KRTCAP2: variants seen among roughly 807,000 people sequenced by gnomAD.
KRTCAP2 encodes the protein dolichyl-diphosphooligosaccharide--protein glycosyltransferase subunit KCP2.
A neutral mutation model predicts 16.5 loss-of-function variants in KRTCAP2; 10 were observed. The ratio of observed to expected loss-of-function variants is 0.60; its 90% CI spans 0.37 to 1.02. The LOEUF is 1.02. Among genes scored for constraint, KRTCAP2 ranks in the 50% least tolerant of loss-of-function variants. The pLI, the probability that KRTCAP2 is intolerant of heterozygous loss-of-function variation, is 0.01. For synonymous variants in KRTCAP2, 68 were observed against 69.8 expected, an observed-to-expected ratio of 0.97 and a Z score of 0.13; for missense variants, 152 against 159.6, an observed-to-expected ratio of 0.95 and a Z score of 0.26.
chr1:155,170,015 G>A, intron 3 of KRTCAP2, 158 bp from the exon 4 acceptor site: 1 of 576,872 alleles, frequency 1.7e-6, no homozygotes, highest in South Asian at 2.0e-5. Context: ...TTACCTTAAT[G>A]ATACCCAGAA....
chr1:155,169,606 C>CA (rs762995099), intron 4 of KRTCAP2, 46 bp from the exon 5 acceptor site: 1 of 1,600,898 alleles, frequency 6.2e-7, no homozygotes, highest in Non-Finnish European at 8.5e-7. Flanking sequence ...GGGCATCTGC[C>CA]AGCCTGGTGC....
At position 155,173,276 on chromosome 1, in the gene KRTCAP2, G is replaced by T. The variant is rs1410489739; in HGVS notation, c.-52C>A. The T allele has an allele frequency of 1.2e-6, 2 of 1,613,990 alleles. No individual in the cohort carries two copies. The highest frequency in any genetic ancestry group is 2.2e-5 in the East Asian group (1 of 44,900). On this transcript the variant is annotated 5_prime_UTR_variant, in exon 1 of 5. Coordinates refer to ENST00000295682, the MANE Select transcript of KRTCAP2 (RefSeq NM_173852.4). Reference sequence around the variant, plus strand: ...CGCCTCTGGCCAAGAAAGGCGAGCTGAACCGGGTGCGGTTAGCTATGCGCA... The same window carrying T: ...CGCCTCTGGCCAAGAAAGGCGAGCTTAACCGGGTGCGGTTAGCTATGCGCA...
intron 1 of KRTCAP2, 35 bp downstream of exon 1, chr1:155,173,186 C>G: frequency 1.9e-6 from 3 of 1,587,278 alleles, no homozygotes; most frequent in Non-Finnish European, 2.6e-6. Flanking sequence ...CCGACCCCCT[C>G]TAGGACTTCC....
Position 155,169,873 on chromosome 1 carries a change from G to A in KRTCAP2, c.224-16C>T, listed in dbSNP as rs1172202170. ...CACAGGAGAACTAGGGAGGCAAGAA[G>A]AACAAGGAGGGCAACGGTCAGAATG... On this transcript the variant is annotated splice_polypyrimidine_tract_variant and intron_variant, in intron 3 of 4. Transcript: ENST00000295682. The A allele has an allele frequency of 6.4e-7, 1 of 1,554,332 alleles. No individual in the cohort carries two copies. Among genetic ancestry groups the A allele is most frequent in the Non-Finnish European group, 8.8e-7 (1 of 1,139,422 alleles).
intron 3 of KRTCAP2, chr1:155,171,202 T>G (rs1665227610): frequency 6.6e-6 from 1 of 151,954 alleles, no homozygotes; most frequent in Admixed American, 6.6e-5. Flanking sequence ...GTGGATCACT[T>G]AAGGTCAGGA....
rs1010277493 is a variant in KRTCAP2, at chr1:155,172,726, C to T, written c.159+12G>A. 1.2e-6 allele frequency: 2 copies of T among 1,614,040 alleles called. No individual in the cohort carries two copies. Among genetic ancestry groups the T allele is most frequent in the Admixed American group, 3.3e-5 (2 of 60,006 alleles). ...CTACGTGGCCCGCCCCCTCCAACTG[C>T]AGGGAGGATACAGTGAGCGAGAACA... On this transcript the variant is annotated intron_variant, in intron 2 of 4. Coordinates refer to ENST00000295682, the MANE Select transcript of KRTCAP2 (RefSeq NM_173852.4).
At chr1:155,172,420 G>A (rs1310909386) in intron 3 of KRTCAP2, 145 bp downstream of exon 3, 1 of 1,506,422 alleles carries the variant, frequency 6.6e-7, no homozygotes, top group Non-Finnish European at 8.9e-7. Context: ...GTGCAGAATC[G>A]AAAAGCGTCA....
At chr1:155,170,228 TA>T (rs1665198818) in intron 3 of KRTCAP2, 1 of 162,352 alleles carries the variant, frequency 6.2e-6, no homozygotes, top group African/African-American at 2.4e-5. Flanking sequence ...TAGTCCCAGC[TA>T]TTCAGGAGGC....
intron 3 of KRTCAP2, chr1:155,171,826 C>A (rs528008610): frequency 1.1e-6 from 1 of 886,224 alleles, no homozygotes; most frequent in Non-Finnish European, 1.3e-6. Flanking sequence ...CCAGCCTAGG[C>A]GACAGAGTAA....
Position 155,172,721 on chromosome 1 carries a change from A to G in KRTCAP2, c.159+17T>C, listed in dbSNP as rs1388999458. ...CATGCCTACGTGGCCCGCCCCCTCC[A>G]ACTGCAGGGAGGATACAGTGAGCGA... On this transcript the variant is annotated intron_variant, in intron 2 of 4. Coordinates refer to ENST00000295682, the MANE Select transcript of KRTCAP2 (RefSeq NM_173852.4). The G allele has an allele frequency of 6.2e-7, 1 of 1,614,050 alleles. No homozygotes were observed. Among genetic ancestry groups the G allele is most frequent in the Non-Finnish European group, 8.5e-7 (1 of 1,180,030 alleles).
rs777923895 is a variant in KRTCAP2, at chr1:155,172,787, G to GT, written c.109dup (p.Thr37AsnfsTer21). ...CGAACCAAGCAGGCCGCCCTGGATGGTGAGCCACTCGGTGGAGGCCAGCTG... is the reference window on the plus strand; with the variant it reads ...CGAACCAAGCAGGCCGCCCTGGATGGTTGAGCCACTCGGTGGAGGCCAGCTG... On this transcript the variant is annotated frameshift_variant, in exon 2 of 5. Transcript: ENST00000295682. LOFTEE classifies it high-confidence loss of function. 1.4e-5 allele frequency: 23 copies of GT among 1,614,120 alleles called. 1 individual carries two copies. The highest frequency in any genetic ancestry group is 1.7e-5 in the Non-Finnish European group (20 of 1,180,054).
chr1:155,172,201 G>A, intron 3 of KRTCAP2: 1 of 1,111,096 alleles, frequency 9.0e-7, no homozygotes, highest in African/African-American at 1.6e-5. Flanking sequence ...CTAATATTGA[G>A]TTAACTTCAC....
At position 155,169,554 on chromosome 1, in the gene KRTCAP2, G is replaced by A. The variant is rs374944263; in HGVS notation, c.297C>T (p.Ile99=). ...TGTAGTACAGACCAACCATGGAGAAGATGAAGCTATATGGTGAAGACAGAA... is the reference window on the plus strand; with the variant it reads ...TGTAGTACAGACCAACCATGGAGAAAATGAAGCTATATGGTGAAGACAGAA... ...IHRVCVTTCF[I]FSMVGLYYIN... is the part of the protein sequence containing the mutation. The change falls in exon 5 of 5, where the codon ATC becomes ATT. Residue 99 remains isoleucine (I), a synonymous_variant. Transcript: ENST00000295682. 18 of 1,613,904 alleles carry A rather than the reference G, an allele frequency of 1.1e-5. No individual in the cohort carries two copies. The Admixed American group carries it at 1.3e-4, about 12-fold the overall frequency.
At chr1:155,170,349 A>G (rs1431307417) in intron 3 of KRTCAP2, 4 of 152,364 alleles carry the variant, frequency 2.6e-5, no homozygotes, top group Non-Finnish European at 5.8e-5. Context: ...CCAAAAAAAA[A>G]AAAAAAAAAA....
intron 3 of KRTCAP2, chr1:155,171,435 A>AT: frequency 2.0e-6 from 2 of 979,792 alleles, no homozygotes; most frequent in Non-Finnish European, 2.4e-6. Context: ...AAAAAAAAAA[A>AT]GAAGCAAGTG....
chr1:155,170,250 G>C (rs1665199275), intron 3 of KRTCAP2: 1 of 158,454 alleles, frequency 6.3e-6, no homozygotes, highest in Non-Finnish European at 1.4e-5. Flanking sequence ...TGAAGTTGGA[G>C]GAACCCTTGA....
chr1:155,170,146 C>A, intron 3 of KRTCAP2: 2 of 245,952 alleles, frequency 8.1e-6, no homozygotes, highest in East Asian at 8.3e-5. Flanking sequence ...CAAAGTGAGA[C>A]CCATCTCTTA....
At chr1:155,171,069 C>G (rs1252504557) in intron 3 of KRTCAP2, 2 of 152,294 alleles carry the variant, frequency 1.3e-5, no homozygotes, top group Non-Finnish European at 2.9e-5. Flanking sequence ...CTACACCTCC[C>G]AAAGTGCTAG....
chr1:155,173,169 C>A, intron 1 of KRTCAP2, 52 bp downstream of exon 1: 1 of 1,495,206 alleles, frequency 6.7e-7, no homozygotes, highest in East Asian at 2.3e-5. Flanking sequence ...GCTTGTCCAC[C>A]CAAACCCCGA....
Sources: allele counts gnomAD v4.1 joint callset, GRCh38; gene constraint gnomAD v4.1.1; transcripts MANE v1.5; gene names NCBI Gene and HGNC (gene_info 2026-07-23, HGNC 2026-07-21).